Variants in RBFOX1 observed in about 807,000 individuals in gnomAD.
The protein encoded by RBFOX1 is RNA binding protein fox-1 homolog 1.
Under a neutral mutation model 57.7 loss-of-function variants are expected in RBFOX1, and 8 were observed. That is an observed-to-expected ratio of 0.14 (90% CI 0.08 to 0.25). The LOEUF (loss-of-function observed/expected upper bound fraction) is 0.25, where lower values mean the gene tolerates loss of function less well. Among genes scored for constraint, RBFOX1 ranks in the 10% least tolerant of loss-of-function variants. The probability of loss-of-function intolerance (pLI) is 1.00; values close to 1 mark genes in which losing one functional copy is unlikely to be tolerated. For synonymous variants in RBFOX1, 326 were observed against 222.4 expected (o/e 1.47, Z -4.15); for missense variants, 611 against 548.5 (o/e 1.11, Z -1.14).
At chr16:7,571,901 G>C (rs1162783068) in intron 5 of RBFOX1, among the ~76,000 whole-genome samples, 1 of 152,208 alleles carries the variant, frequency 6.6e-6, no homozygotes, top group African/African-American at 2.4e-5. Flanking sequence ...GGCCAAGGCA[G>C]GTGGATCACC....
chr16:5,738,175 A>G (rs562880749), intron 3 of RBFOX1, among the ~76,000 whole-genome samples: 2 of 152,230 alleles, frequency 1.3e-5, no homozygotes, highest in Admixed American at 6.5e-5. Flanking sequence ...GTTTTCATAC[A>G]TTATATTTAT....
At chr16:6,981,374 C>G (rs1366428714) in intron 3 of RBFOX1, among the ~76,000 whole-genome samples, 2 of 152,050 alleles carry the variant, frequency 1.3e-5, no homozygotes, top group East Asian at 3.9e-4. Context: ...TGTTAATTTG[C>G]TAAGGATAAT....
intron 1 of RBFOX1, among the ~76,000 whole-genome samples, chr16:5,443,223 A>G (rs2151544434): frequency 6.6e-6 from 1 of 152,246 alleles, no homozygotes; most frequent in Non-Finnish European, 1.5e-5. Context: ...CATTTTAGAG[A>G]TAGGAAAAAC....
At chr16:7,245,426 C>A (rs1054730347) in intron 4 of RBFOX1, among the ~76,000 whole-genome samples, 1 of 148,930 alleles carries the variant, frequency 6.7e-6, no homozygotes, top group African/African-American at 2.5e-5. Flanking sequence ...AACCCGTCAC[C>A]TAGTATTAGT....
chr16:6,407,308 T>C (rs1299244382), intron 2 of RBFOX1, among the ~76,000 whole-genome samples: 2 of 152,174 alleles, frequency 1.3e-5, no homozygotes, highest in Admixed American at 6.5e-5. Context: ...TATGTACATA[T>C]ACATTTTCTA....
intron 3 of RBFOX1, among the ~76,000 whole-genome samples, chr16:6,731,270 G>C (rs796992731): frequency 5.3e-5 from 8 of 152,298 alleles, no homozygotes; most frequent in African/African-American, 1.9e-4. Context: ...GTGGGAAGTA[G>C]AGTTCTGCAC....
At chr16:7,429,504 T>C (rs968250137) in intron 4 of RBFOX1, among the ~76,000 whole-genome samples, 16 of 152,202 alleles carry the variant, frequency 1.1e-4, no homozygotes, top group African/African-American at 3.6e-4. Flanking sequence ...TGCAATGATA[T>C]TACCTTGAAT....
chr16:7,028,914 T>C (rs1776695804), intron 3 of RBFOX1, among the ~76,000 whole-genome samples: 1 of 150,580 alleles, frequency 6.6e-6, no homozygotes, highest in Admixed American at 6.6e-5. Flanking sequence ...GCTAGGAAAG[T>C]TTGCAAGCAT....
At chr16:7,050,310 G>T (rs2049580772) in intron 3 of RBFOX1, among the ~76,000 whole-genome samples, 1 of 122,130 alleles carries the variant, frequency 8.2e-6, no homozygotes, top group African/African-American at 2.6e-5. Flanking sequence ...TTGTTGCCCA[G>T]GATGGAGTAT....
chr16:7,286,578 T>C (rs2095655847), intron 4 of RBFOX1, among the ~76,000 whole-genome samples: 1 of 149,406 alleles, frequency 6.7e-6, no homozygotes, highest in Non-Finnish European at 1.5e-5. Flanking sequence ...GCCTCCTGAA[T>C]AGCTGGAATT....
intron 1 of RBFOX1, among the ~76,000 whole-genome samples, chr16:6,048,646 G>T (rs548156343): frequency 6.6e-6 from 1 of 152,034 alleles, no homozygotes; most frequent in African/African-American, 2.4e-5. Flanking sequence ...AATTTAGCTC[G>T]CTTTTAATAT....
At chr16:6,257,609 G>T (rs569178839) in intron 1 of RBFOX1, among the ~76,000 whole-genome samples, 6 of 152,004 alleles carry the variant, frequency 3.9e-5, no homozygotes, top group Non-Finnish European at 5.9e-5. Flanking sequence ...ACTGTCTGTT[G>T]TTCCCTTCTA....
chr16:7,195,120 C>G (rs1271022449), intron 4 of RBFOX1, among the ~76,000 whole-genome samples: 1 of 152,152 alleles, frequency 6.6e-6, no homozygotes, highest in Non-Finnish European at 1.5e-5. Flanking sequence ...ACCCTTAAGT[C>G]TGTCAACTTC....
At chr16:6,242,565 C>G (rs1174179083) in intron 1 of RBFOX1, among the ~76,000 whole-genome samples, 1 of 150,166 alleles carries the variant, frequency 6.7e-6, no homozygotes, top group Non-Finnish European at 1.5e-5. Flanking sequence ...AGTCCATCAT[C>G]ACTTATGCAA....
intron 3 of RBFOX1, among the ~76,000 whole-genome samples, chr16:6,979,615 G>A (rs1264697045): frequency 6.6e-6 from 1 of 152,178 alleles, no homozygotes; most frequent in African/African-American, 2.4e-5. Context: ...TTCATTCACA[G>A]TTTGGGGAGC....
chr16:5,746,384 C>G (rs2052982327), intron 3 of RBFOX1, among the ~76,000 whole-genome samples: 1 of 152,162 alleles, frequency 6.6e-6, no homozygotes, highest in South Asian at 2.1e-4. Flanking sequence ...ATGCTTCCAG[C>G]TTTGTTCTTT....
At chr16:5,265,897 G>C (rs1437706016) in intron 1 of RBFOX1, among the ~76,000 whole-genome samples, 2 of 152,192 alleles carry the variant, frequency 1.3e-5, no homozygotes, top group African/African-American at 2.4e-5. Flanking sequence ...ATACCTGTGT[G>C]GGTGTGTACA....
intron 3 of RBFOX1, among the ~76,000 whole-genome samples, chr16:6,916,059 A>C (rs968221378): frequency 7.9e-5 from 12 of 152,050 alleles, no homozygotes; most frequent in African/African-American, 2.9e-4. Context: ...CCACACTGCT[A>C]CTCCCCAGAC....
chr16:6,031,138 G>A (rs1339848367), intron 1 of RBFOX1, among the ~76,000 whole-genome samples: 1 of 152,214 alleles, frequency 6.6e-6, no homozygotes, highest in Non-Finnish European at 1.5e-5. Flanking sequence ...TCTCCAAGGA[G>A]AGGTATTGGG....
Sources: allele counts gnomAD v4.1 joint callset (sites outside exome capture counted in the v4.1 genomes callset), GRCh38; gene constraint gnomAD v4.1.1; transcripts MANE v1.5; gene names NCBI Gene and HGNC (gene_info 2026-07-23, HGNC 2026-07-21).